MAP3K3: variants seen among roughly 807,000 people sequenced by gnomAD.
The protein encoded by MAP3K3 is mitogen-activated protein kinase kinase kinase 3.
MAP3K3 carries 12 observed loss-of-function variants against 80.9 expected under a neutral mutation model. That is an observed-to-expected ratio of 0.15 (90% confidence interval 0.10 to 0.24). MAP3K3 has a LOEUF of 0.24. Ranked by LOEUF, MAP3K3 falls within the 10% of genes least tolerant of loss-of-function variation. The probability of loss-of-function intolerance (pLI) is 1.00; values close to 1 mark genes in which losing one functional copy is unlikely to be tolerated. For synonymous variants in MAP3K3, 272 were observed against 307.1 expected (o/e 0.89, Z 1.19); for missense variants, 596 against 834.7 (o/e 0.71, Z 3.52).
In MAP3K3 at chr17:63,693,804, C is replaced by A; in HGVS notation, c.*27C>A. On this transcript the variant is annotated 3_prime_UTR_variant, in exon 16 of 16. Coordinates refer to ENST00000361733, the MANE Select transcript of MAP3K3 (RefSeq NM_002401.5). The surrounding 1 kb of genome is among the most constrained non-coding windows in gnomAD (Gnocchi z 4.2). ...CTCTCACGGCCACACAGCTGCCGGT[C>A]GCCCTTTGCTGCATGGCAGGGGGCT... 1.3e-6 allele frequency: 2 copies of A among 1,577,798 alleles called. No individual in the cohort carries two copies. The highest frequency in any genetic ancestry group is 2.3e-5 in the South Asian group (2 of 87,604).
intron 5 of MAP3K3, among the ~76,000 whole-genome samples, chr17:63,658,712 G>A (rs1004624940): frequency 6.6e-6 from 1 of 150,900 alleles, no homozygotes; most frequent in Non-Finnish European, 1.5e-5. Context: ...GTGGAATGCT[G>A]CTCATGCTGA....
At chr17:63,674,004 C>T (rs921999982) in intron 6 of MAP3K3, among the ~76,000 whole-genome samples, 3 of 151,430 alleles carry the variant, frequency 2.0e-5, no homozygotes, top group African/African-American at 4.9e-5. Flanking sequence ...CACTTGAACC[C>T]GGGAGGCGGA....
chr17:63,655,684 G>A (rs1242521201), intron 4 of MAP3K3, among the ~76,000 whole-genome samples: 5 of 151,904 alleles, frequency 3.3e-5, no homozygotes, highest in Non-Finnish European at 7.4e-5. Flanking sequence ...GTAGAGATGG[G>A]GGTCTCACTA....
intron 7 of MAP3K3, among the ~76,000 whole-genome samples, chr17:63,683,469 T>A (rs1173498211): frequency 6.6e-6 from 1 of 152,184 alleles, no homozygotes; most frequent in Non-Finnish European, 1.5e-5. Flanking sequence ...TCCCTCGCCA[T>A]GGTCCTATAC....
In MAP3K3 at chr17:63,689,814, G is replaced by A; in HGVS notation, c.1063+79G>A. The A allele has an allele frequency of 7.1e-7, 1 of 1,401,654 alleles. No homozygotes were observed. Among genetic ancestry groups the A allele is most frequent in the South Asian group, 1.4e-5 (1 of 72,808 alleles). 86.8% of individuals were successfully genotyped at this position (1,401,654 alleles called of 1,614,324 possible). ...TACGGGGGCAAACAGCTGGGCCCCTGGGACCCTTAGGCTCAGCAGGTGGTG... is the reference window on the plus strand; with the variant it reads ...TACGGGGGCAAACAGCTGGGCCCCTAGGACCCTTAGGCTCAGCAGGTGGTG... On this transcript the variant is annotated intron_variant, in intron 11 of 15. Coordinates refer to ENST00000361733, the MANE Select transcript of MAP3K3 (RefSeq NM_002401.5). The surrounding 1 kb of genome is among the most constrained non-coding windows in gnomAD (Gnocchi z 4.3).
Position 63,691,406 on chromosome 17 carries a change from C to T in MAP3K3, c.1344+173C>T, listed in dbSNP as rs150127091. Reference sequence around the variant, plus strand: ...ACTTGGAGTCAGGAGGGCCCTGCCTCAGGTTGCAGTGGGAGTATGAGATGA... The same window carrying T: ...ACTTGGAGTCAGGAGGGCCCTGCCTTAGGTTGCAGTGGGAGTATGAGATGA... On this transcript the variant is annotated intron_variant, in intron 13 of 15. Transcript: ENST00000361733. The surrounding 1 kb of genome is among the most constrained non-coding windows in gnomAD (Gnocchi z 4.8). 1.8e-4 allele frequency among the ~76,000 whole-genome samples: 28 copies of T among 152,282 alleles called. No homozygotes were observed. The East Asian group carries it at 5.2e-3, about 28-fold the overall frequency.
intron 2 of MAP3K3, among the ~76,000 whole-genome samples, chr17:63,643,369 G>A (rs1005088108): frequency 1.3e-5 from 2 of 151,860 alleles, no homozygotes; most frequent in African/African-American, 4.8e-5. Context: ...CCAGTGTGGC[G>A]ACATGTGCCT....
chr17:63,667,755 T>C (rs1349015508), intron 6 of MAP3K3, among the ~76,000 whole-genome samples: 1 of 152,212 alleles, frequency 6.6e-6, no homozygotes, highest in Non-Finnish European at 1.5e-5. Context: ...TGCTATATTT[T>C]TATTTGTATT....
chr17:63,622,968 C>A (rs918059448), intron 1 of MAP3K3, among the ~76,000 whole-genome samples: 1 of 147,878 alleles, frequency 6.8e-6, no homozygotes, highest in African/African-American at 2.4e-5. Flanking sequence ...GGCGGCCCGG[C>A]CGGCAGAGCC....
chr17:63,663,773 T>C (rs1335834455), intron 5 of MAP3K3, among the ~76,000 whole-genome samples: 1 of 152,176 alleles, frequency 6.6e-6, no homozygotes, highest in African/African-American at 2.4e-5. Flanking sequence ...ATGCCTGCAA[T>C]TCCACCTACC....
chr17:63,667,171 CTGTG>C, intron 6 of MAP3K3, 111 bp downstream of exon 6: 14 of 1,233,156 alleles, frequency 1.1e-5, no homozygotes, highest in South Asian at 1.6e-5. Context: ...AACTATTACT[CTGTG>C]TAGAGTAATC....
rs1028106301 is a variant in MAP3K3, at chr17:63,685,574, G to A, written c.694G>A (p.Asp232Asn). The change falls in exon 8 of 16, where the codon GAC (aspartate) becomes AAC (asparagine). Residue 232 changes from aspartate to asparagine, a missense_variant. Around this residue, in one of 2 missense-constraint regions of MAP3K3, gnomAD observed 364 missense variants for 588.9 expected, o/e 0.62. Transcript: ENST00000361733. ...CTTGTCTGGAAGCTGCCAATCCTTG[G>A]ACAGGTCAGCAGACAGGTATGGGAC... ...NSLSGSCQSL[D>N]RSADSPSFRK... 1.2e-6 allele frequency: 2 copies of A among 1,614,138 alleles called. No homozygotes were observed. The highest frequency in any genetic ancestry group is 2.7e-5 in the African/African-American group (2 of 75,034).
At chr17:63,629,895 A>G (rs1220399283) in intron 1 of MAP3K3, among the ~76,000 whole-genome samples, 2 of 152,218 alleles carry the variant, frequency 1.3e-5, no homozygotes, top group Non-Finnish European at 2.9e-5. Context: ...ACCAGCTCTT[A>G]TAATAGCGTC....
intron 5 of MAP3K3, among the ~76,000 whole-genome samples, chr17:63,666,031 A>G (rs1568140677): frequency 6.6e-6 from 1 of 152,128 alleles, no homozygotes; most frequent in Non-Finnish European, 1.5e-5. Context: ...CTTATTTGTA[A>G]TAGCATCCTG....
At chr17:63,648,290 C>T (rs2034579562) in intron 3 of MAP3K3, among the ~76,000 whole-genome samples, 1 of 152,152 alleles carries the variant, frequency 6.6e-6, no homozygotes, top group African/African-American at 2.4e-5. Flanking sequence ...TGATCATGAT[C>T]CTTTTTCAAT....
At position 63,688,530 on chromosome 17, in the gene MAP3K3, A is replaced by C. The variant is rs775721157; in HGVS notation, c.714A>C (p.Pro238=). 1.9e-6 allele frequency: 3 copies of C among 1,614,020 alleles called. No homozygotes were observed. The highest frequency in any genetic ancestry group is 2.7e-5 in the African/African-American group (2 of 75,030). Residue 238 remains proline, a synonymous_variant, in exon 9 of 16, where the codon CCA becomes CCC. Coordinates refer to ENST00000361733, the MANE Select transcript of MAP3K3 (RefSeq NM_002401.5). ...CQSLDRSADS[P]SFRKSRMSRA... ...TTTTTCTTTTTGTTTTCTCCAGCCC[A>C]TCCTTCCGGAAATCACGAATGTCCC...
chr17:63,649,499 A>C (rs2034607499), intron 3 of MAP3K3, among the ~76,000 whole-genome samples: 1 of 150,738 alleles, frequency 6.6e-6, no homozygotes, highest in African/African-American at 2.4e-5. Context: ...GTGATCGTGG[A>C]GCCTCCACCT....
chr17:63,685,628 G>A (rs1358010571), intron 8 of MAP3K3, 38 bp downstream of exon 8: 1 of 1,569,764 alleles, frequency 6.4e-7, no homozygotes, highest in Non-Finnish European at 8.8e-7. Flanking sequence ...TAATGCATAG[G>A]CATTTTTGGA....
intron 4 of MAP3K3, among the ~76,000 whole-genome samples, chr17:63,657,076 G>A (rs2034786311): frequency 6.6e-6 from 1 of 152,060 alleles, no homozygotes; most frequent in Non-Finnish European, 1.5e-5. Flanking sequence ...GTCTAAATTT[G>A]TGTTTTTATT....
Sources: gnomAD v4.1 joint callset for allele counts (sites outside exome capture counted in the v4.1 genomes callset) on GRCh38, gnomAD v4.1.1 for gene constraint, gnomAD v4.1.1 regional missense constraint, Gnocchi (gnomAD v3.1) non-coding constraint, MANE v1.5 for transcripts, NCBI Gene and HGNC (gene_info 2026-07-23, HGNC 2026-07-21) for gene names.